Variants in NUBP2 observed in about 807,000 individuals in gnomAD.
NUBP2 encodes the protein cytosolic Fe-S cluster assembly factor NUBP2.
Under a neutral mutation model 24.9 loss-of-function variants are expected in NUBP2, and 23 were observed. The observed-to-expected ratio is 0.92, with a 90% confidence interval of 0.66 to 1.31. The LOEUF is 1.31. NUBP2 is among the 50% of genes most tolerant of loss of function. The probability of loss-of-function intolerance (pLI) is 0.00; values close to 1 mark genes in which losing one functional copy is unlikely to be tolerated. For missense variants in NUBP2, 403 were observed against 386.5 expected (o/e 1.04, Z -0.36); for synonymous variants, 186 against 170.9 (o/e 1.09, Z -0.69).
chr16:1,785,330 G>A (rs1424838502), intron 1 of NUBP2: 8 of 1,083,582 alleles, frequency 7.4e-6, no homozygotes, highest in East Asian at 1.6e-4. Context: ...TTGTTGTCCC[G>A]GTTCCTGACA....
chr16:1,786,843 C>T lies in NUBP2; in HGVS notation c.222C>T (p.Arg74=), dbSNP rs777338511. Residue 74 remains arginine (R), a synonymous_variant, in exon 3 of 7, where the codon CGC becomes CGT. Coordinates refer to ENST00000262302, the MANE Select transcript of NUBP2 (RefSeq NM_012225.4). ...GCAGGGCTGTGCACCAGTGCGACCG[C>T]GGCTGGGCACCCGTCTTCCTGGACC... ...AQGRAVHQCD[R]GWAPVFLDRE... 23 of 1,596,544 alleles carry T rather than the reference C, an allele frequency of 1.4e-5. No homozygotes were observed. The highest frequency in any genetic ancestry group is 2.2e-5 in the East Asian group (1 of 44,450).
rs1312414740 is a variant in NUBP2 at position 1,783,063 on chromosome 16, CG to C, written c.16+28del. 3.6e-5 allele frequency: 45 copies of C among 1,258,248 alleles called. No individual in the cohort carries two copies. In the African/African-American group the frequency reaches 6.8e-4, roughly 19 times the overall value. The allele number at this position is 1,258,248 out of a possible 1,614,324, so 77.9% of individuals were successfully genotyped here. ...TGAGTGGCGGGCCAGGGTGCGGAGCCGCTCCAGGGCCTCGCTTGGGGCCCCG... is the reference window on the plus strand; with the variant it reads ...TGAGTGGCGGGCCAGGGTGCGGAGCCCTCCAGGGCCTCGCTTGGGGCCCCG... On this transcript the variant is annotated intron_variant, in intron 1 of 6. Coordinates refer to ENST00000262302, the MANE Select transcript of NUBP2 (RefSeq NM_012225.4).
At chr16:1,783,369 G>C in intron 1 of NUBP2, 1 of 1,085,852 alleles carries the variant, frequency 9.2e-7, no homozygotes, top group East Asian at 5.8e-5. Context: ...GGTTGCAACT[G>C]CACCGCAGCC....
intron 1 of NUBP2, chr16:1,783,237 G>T (rs1896805202): frequency 8.6e-7 from 1 of 1,163,728 alleles, no homozygotes; most frequent in African/African-American, 1.6e-5. Flanking sequence ...CGATGTGGAA[G>T]CTCCGTGATC....
Position 1,783,982 on chromosome 16 carries a change from G to C in NUBP2, c.16+946G>C, listed in dbSNP as rs529140211. 9.6e-5 allele frequency: 94 copies of C among 984,098 alleles called. 1 individual carries two copies. Among genetic ancestry groups the C allele is most frequent in the South Asian group, 8.5e-4 (18 of 21,228 alleles). 61.0% of individuals were successfully genotyped at this position (984,098 alleles called of 1,614,324 possible). ...TGCTGGGATTACAGGCGTGAGCCAC[G>C]GCGCCTGGCCCAGTGCTGGAGTCTT... On this transcript the variant is annotated intron_variant, in intron 1 of 6. Transcript: ENST00000262302.
At position 1,786,533 on chromosome 16, in the gene NUBP2, C is replaced by T. The variant is rs137881823; in HGVS notation, c.17-4C>T. 119 of 1,590,800 alleles carry T rather than the reference C, an allele frequency of 7.5e-5. No homozygotes were observed. The East Asian group carries it at 2.6e-3, about 35-fold the overall frequency. On this transcript the variant is annotated splice_region_variant and splice_polypyrimidine_tract_variant and intron_variant, in intron 1 of 6. Transcript: ENST00000262302. ...CTGACCTTCTCTGTCGTGTTTCCGC[C>T]CAGAGCCTGGAAACCTGGCCGGCGT...
rs780756799 is a variant in NUBP2 at position 1,788,696 on chromosome 16, G to A, written c.798G>A (p.Thr266=). 43 of 1,611,180 alleles carry A rather than the reference G, an allele frequency of 2.7e-5. No homozygotes were observed. The highest frequency in any genetic ancestry group is 1.8e-4 in the East Asian group (8 of 44,872). The change falls in exon 7 of 7, where the codon ACG becomes ACA. Residue 266 remains threonine (T), a synonymous_variant. Coordinates refer to ENST00000262302, the MANE Select transcript of NUBP2 (RefSeq NM_012225.4). ...TSIAQKILDA[T]PACLP ...TAGCCCAGAAGATTCTGGACGCGACGCCCGCGTGCCTCCCCTGACTAAGGC... is the reference window on the plus strand; with the variant it reads ...TAGCCCAGAAGATTCTGGACGCGACACCCGCGTGCCTCCCCTGACTAAGGC...
chr16:1,787,439 C>T (rs542589783), intron 3 of NUBP2: 364 of 589,406 alleles, frequency 6.2e-4, no homozygotes, highest in Non-Finnish European at 9.8e-4. Context: ...GGGGAGTCAG[C>T]GGGGGCTCTG....
chr16:1,784,052 C>T (rs1001138988), intron 1 of NUBP2: 2 of 981,508 alleles, frequency 2.0e-6, no homozygotes, highest in South Asian at 4.7e-5. Flanking sequence ...ATTATCAGGA[C>T]GGATTTACTA....
At chr16:1,783,202 G>T (rs1896803760) in intron 1 of NUBP2, 166 bp downstream of exon 1, 1 of 1,171,806 alleles carries the variant, frequency 8.5e-7, no homozygotes, top group East Asian at 3.9e-5. Context: ...TTCTAAACAG[G>T]GTCGTTTCCC....
intron 1 of NUBP2, chr16:1,785,712 C>A (rs890604127): frequency 1.6e-6 from 2 of 1,288,986 alleles, no homozygotes; most frequent in African/African-American, 1.5e-5. Context: ...GTCTGAGGAC[C>A]CGCCTGCATG....
At position 1,789,049 on chromosome 16, in the gene NUBP2, C is replaced by T. The variant is rs1387833429; in HGVS notation, c.*335C>T. The T allele has an allele frequency of 1.9e-5, 5 of 262,018 alleles. No individual in the cohort carries two copies. Among genetic ancestry groups the T allele is most frequent in the Non-Finnish European group, 3.6e-5 (5 of 138,490 alleles). The allele number at this position is 262,018 out of a possible 1,614,324, so 16.2% of individuals were successfully genotyped here. A position where few individuals can be genotyped will look rare whatever the true frequency, so the allele number is the denominator to read the frequency against. ...GACTTCTGCAGTCCTCAGGTGACCC[C>T]GGGCCTCCAGCACCCTGGGTCGCTG... On this transcript the variant is annotated 3_prime_UTR_variant, in exon 7 of 7. Transcript: ENST00000262302.
In NUBP2 at chr16:1,786,536, G is replaced by A; in HGVS notation, c.17-1G>A. ...ACCTTCTCTGTCGTGTTTCCGCCCA[G>A]AGCCTGGAAACCTGGCCGGCGTCAG... is the stretch of plus-strand genomic sequence containing the variant. On this transcript the variant is annotated splice_acceptor_variant, in intron 1 of 6. Coordinates refer to ENST00000262302, the MANE Select transcript of NUBP2 (RefSeq NM_012225.4). LOFTEE classifies it high-confidence loss of function. The A allele has an allele frequency of 6.3e-7, 1 of 1,592,548 alleles. No individual in the cohort carries two copies. The highest frequency in any genetic ancestry group is 8.6e-7 in the Non-Finnish European group (1 of 1,165,450).
intron 1 of NUBP2, chr16:1,783,298 T>A: frequency 8.8e-7 from 1 of 1,137,544 alleles, no homozygotes; most frequent in Non-Finnish European, 1.1e-6. Context: ...TTAACTTTGT[T>A]GAGCACCGCG....
chr16:1,787,283 C>G, intron 3 of NUBP2: 1 of 406,034 alleles, frequency 2.5e-6, no homozygotes, highest in African/African-American at 2.0e-5. Flanking sequence ...GCATTAGACG[C>G]CCCCAAAGGC....
At chr16:1,785,971 GGGACC>G in intron 1 of NUBP2, 3 of 1,214,526 alleles carry the variant, frequency 2.5e-6, no homozygotes, top group Non-Finnish European at 3.2e-6. Flanking sequence ...GGGACAGGAT[GGGACC>G]CTGGAAGGAA....
intron 1 of NUBP2, chr16:1,783,353 G>T (rs1266496049): frequency 1.8e-6 from 2 of 1,096,974 alleles, no homozygotes; most frequent in East Asian, 1.1e-4. Flanking sequence ...CTATCCTGGA[G>T]GTCGCGGTTG....
intron 1 of NUBP2, chr16:1,783,442 G>A (rs969607879): frequency 9.9e-7 from 1 of 1,008,436 alleles, no homozygotes; most frequent in African/African-American, 1.7e-5. Flanking sequence ...AAGTAAGACG[G>A]ACGCCAGAAT....
chr16:1,783,330 C>G (rs1165604783), intron 1 of NUBP2: 1 of 1,112,718 alleles, frequency 9.0e-7, no homozygotes, highest in Non-Finnish European at 1.1e-6. Context: ...CGCGGTGGCG[C>G]CTGTGGGCCC....
Sources: gnomAD v4.1 joint callset for allele counts on GRCh38, gnomAD v4.1.1 for gene constraint, MANE v1.5 for transcripts, NCBI Gene and HGNC (gene_info 2026-07-23, HGNC 2026-07-21) for gene names.